ONECUT2: variants seen among roughly 807,000 people sequenced by gnomAD.
ONECUT2 encodes the protein one cut homeobox 2.
ONECUT2 carries 10 observed loss-of-function variants against 27.9 expected under a neutral mutation model. The observed-to-expected ratio is 0.36, with a 90% CI of 0.22 to 0.61. ONECUT2 has a LOEUF of 0.61. ONECUT2 is among the 20% of genes least tolerant of loss of function. The probability of loss-of-function intolerance (pLI) is 0.73; values close to 1 mark genes in which losing one functional copy is unlikely to be tolerated. For missense variants in ONECUT2, 686 were observed against 721.0 expected (o/e 0.95, Z 0.56); for synonymous variants, 334 against 315.1 (o/e 1.06, Z -0.64).
intron 1 of ONECUT2, among the ~76,000 whole-genome samples, chr18:57,438,189 G>T (rs555526132): frequency 6.6e-6 from 1 of 152,374 alleles, no homozygotes; most frequent in East Asian, 1.9e-4. Context: ...TGTGCGTGGC[G>T]ACTGCGCTGC....
chr18:57,458,757 A>G (rs1480183298), intron 1 of ONECUT2, among the ~76,000 whole-genome samples: 1 of 151,972 alleles, frequency 6.6e-6, no homozygotes, highest in Admixed American at 6.6e-5. Context: ...AAGCAAAATG[A>G]GAGGTCATGG....
At chr18:57,473,209 G>T (rs976944487) in intron 1 of ONECUT2, among the ~76,000 whole-genome samples, 2 of 152,198 alleles carry the variant, frequency 1.3e-5, no homozygotes, top group Admixed American at 1.3e-4. Flanking sequence ...TGTGCAGTTG[G>T]GTATGGGTGC....
intron 1 of ONECUT2, among the ~76,000 whole-genome samples, chr18:57,470,831 G>A (rs570757556): frequency 2.6e-5 from 4 of 151,862 alleles, no homozygotes; most frequent in East Asian, 1.9e-4. Flanking sequence ...CCCTCTGTTC[G>A]GGAATGGGCC....
At chr18:57,445,117 C>T (rs1232331878) in intron 1 of ONECUT2, among the ~76,000 whole-genome samples, 4 of 152,088 alleles carry the variant, frequency 2.6e-5, no homozygotes, top group African/African-American at 9.7e-5. Flanking sequence ...TTCAATTAAG[C>T]CACCAGTTTG....
intron 1 of ONECUT2, among the ~76,000 whole-genome samples, chr18:57,469,070 G>A (rs1284878440): frequency 2.0e-5 from 3 of 152,192 alleles, no homozygotes; most frequent in African/African-American, 4.8e-5. Flanking sequence ...AGGTACAAAT[G>A]TGAACCTACT....
At chr18:57,462,061 C>A (rs2050294888) in intron 1 of ONECUT2, among the ~76,000 whole-genome samples, 1 of 152,238 alleles carries the variant, frequency 6.6e-6, no homozygotes, top group African/African-American at 2.4e-5. Flanking sequence ...AGGAGAACTC[C>A]CGCAAGGCTG....
chr18:57,465,410 C>G (rs528603036), intron 1 of ONECUT2, among the ~76,000 whole-genome samples: 1 of 152,216 alleles, frequency 6.6e-6, no homozygotes, highest in Admixed American at 6.5e-5. Context: ...GCAATCCGCC[C>G]GCCTTGGCCT....
At chr18:57,448,160 G>A (rs992153673) in intron 1 of ONECUT2, among the ~76,000 whole-genome samples, 1 of 152,180 alleles carries the variant, frequency 6.6e-6, no homozygotes, top group Non-Finnish European at 1.5e-5. Flanking sequence ...GAGTAAAATG[G>A]TCCTTGACTT....
intron 1 of ONECUT2, among the ~76,000 whole-genome samples, chr18:57,462,392 A>C (rs1381512744): frequency 6.6e-6 from 1 of 152,146 alleles, no homozygotes; most frequent in East Asian, 1.9e-4. Flanking sequence ...AGAAGTTCTT[A>C]AATTTTTTTA....
Position 57,487,914 on chromosome 18 carries a change from A to G in ONECUT2, c.*11191A>G, listed in dbSNP as rs2050446072. 1 of 152,196 alleles carries G rather than the reference A, an allele frequency of 6.6e-6. No individual in the cohort carries two copies. The highest frequency in any genetic ancestry group is 6.5e-5 in the Admixed American group (1 of 15,272). The allele number at this position is 152,196 out of a possible 1,614,324, so 9.4% of individuals were successfully genotyped here. A position where few individuals can be genotyped will look rare whatever the true frequency, so the allele number is the denominator to read the frequency against. ...GTTCAAAGACCCATTCTCCAGTTTC[A>G]TATTTCCCAAACCAAAATGCTTGAC... On this transcript the variant is annotated 3_prime_UTR_variant, in exon 2 of 2. Coordinates refer to ENST00000491143, the MANE Select transcript of ONECUT2 (RefSeq NM_004852.3).
intron 1 of ONECUT2, among the ~76,000 whole-genome samples, chr18:57,471,908 G>A (rs2050356352): frequency 7.7e-6 from 1 of 130,686 alleles, no homozygotes; most frequent in African/African-American, 2.9e-5. Flanking sequence ...ATGTCTGAGG[G>A]CTTTTGGGAT....
intron 1 of ONECUT2, among the ~76,000 whole-genome samples, chr18:57,437,825 G>T (rs527679084): frequency 1.3e-5 from 2 of 152,364 alleles, no homozygotes; most frequent in East Asian, 3.9e-4. Flanking sequence ...CTGAGCACTC[G>T]CAGGAAGAGG....
chr18:57,441,307 C>T (rs974317745), intron 1 of ONECUT2, among the ~76,000 whole-genome samples: 13 of 152,250 alleles, frequency 8.5e-5, no homozygotes, highest in Non-Finnish European at 1.8e-4. Flanking sequence ...TGATCCGGCG[C>T]GTTTCCAGTA....
At chr18:57,463,028 G>A (rs769117185) in intron 1 of ONECUT2, among the ~76,000 whole-genome samples, 8 of 152,002 alleles carry the variant, frequency 5.3e-5, no homozygotes, top group Non-Finnish European at 7.4e-5. Context: ...CACTGTGCTC[G>A]GCCTACCCTA....
At chr18:57,447,743 A>C (rs2050208712) in intron 1 of ONECUT2, among the ~76,000 whole-genome samples, 1 of 151,996 alleles carries the variant, frequency 6.6e-6, no homozygotes, top group East Asian at 1.9e-4. Context: ...CATGCTCCTG[A>C]TTTTTGAAAG....
At chr18:57,444,242 C>A in intron 1 of ONECUT2, 1 of 397,868 alleles carries the variant, frequency 2.5e-6, no homozygotes, top group South Asian at 1.9e-5. Flanking sequence ...TTTCTCTGTG[C>A]AATCAGCCTT....
At chr18:57,440,910 CG>C (rs1399022029) in intron 1 of ONECUT2, among the ~76,000 whole-genome samples, 4 of 152,344 alleles carry the variant, frequency 2.6e-5, no homozygotes, top group Admixed American at 2.0e-4. Flanking sequence ...CGTGCCAGTA[CG>C]GAACAGACGA....
chr18:57,469,714 A>C (rs1185016125), intron 1 of ONECUT2, among the ~76,000 whole-genome samples: 1 of 152,222 alleles, frequency 6.6e-6, no homozygotes, highest in African/African-American at 2.4e-5. Context: ...TGAAATCATG[A>C]ACTCTTAACC....
In ONECUT2 at chr18:57,445,647, G is replaced by A. The variant is rs114942410; in HGVS notation, c.1228+8703G>A. 1.3e-3 allele frequency among the ~76,000 whole-genome samples: 202 copies of A among 152,334 alleles called. 2 individuals carry two copies. The highest frequency in any genetic ancestry group is 4.6e-3 in the African/African-American group (193 of 41,580). The stretch of plus-strand genomic sequence containing the variant: ...ATCTGCTGAGCGAGTTCAAAGGGCA[G>A]AGTTCAGCTATGGTTCAGGTTAATT... On this transcript the variant is annotated intron_variant, in intron 1 of 1. Transcript: ENST00000491143.
Sources: gnomAD v4.1 joint callset for allele counts (sites outside exome capture counted in the v4.1 genomes callset) on GRCh38, gnomAD v4.1.1 for gene constraint, MANE v1.5 for transcripts, NCBI Gene and HGNC (gene_info 2026-07-23, HGNC 2026-07-21) for gene names.